Variants in TBX20 observed in about 807,000 individuals in gnomAD.
The protein encoded by TBX20 is T-box transcription factor TBX20.
In TBX20, 8 loss-of-function variants were observed where a neutral mutation model predicts 42.9. The observed-to-expected ratio is 0.19, with a 90% CI of 0.11 to 0.34. TBX20 has a LOEUF of 0.34. Ranked by LOEUF, TBX20 falls within the 10% of genes least tolerant of loss-of-function variation. TBX20 has a pLI of 1.00. For synonymous variants in TBX20, 198 were observed against 222.8 expected, an observed-to-expected ratio of 0.89 and a Z score of 0.99; for missense variants, 411 against 566.0, an observed-to-expected ratio of 0.73 and a Z score of 2.78.
At position 35,206,263 on chromosome 7, in the gene TBX20, C is replaced by T. The variant is rs556597486; in HGVS notation, c.891-1681G>A. ...GGCACACATTTAAAGTGTATGGGGC[C>T]GGAGCCGGGGCCGGTGGCTCACACC... On this transcript the variant is annotated intron_variant, in intron 6 of 7. Transcript: ENST00000408931. 5.3e-5 allele frequency among the ~76,000 whole-genome samples: 8 copies of T among 152,254 alleles called. No homozygotes were observed. The South Asian group carries it at 8.3e-4, about 16-fold the overall frequency.
intron 1 of TBX20, among the ~76,000 whole-genome samples, chr7:35,252,887 GA>G (rs1790332554): frequency 6.6e-6 from 1 of 152,154 alleles, no homozygotes; most frequent in Non-Finnish European, 1.5e-5. Flanking sequence ...AAAAGTAGAG[GA>G]ATTTGAGAAA....
intron 6 of TBX20, among the ~76,000 whole-genome samples, chr7:35,217,732 T>C (rs1462238222): frequency 2.6e-5 from 4 of 152,228 alleles, no homozygotes; most frequent in Non-Finnish European, 5.9e-5. Context: ...GCAGACTTTT[T>C]TTTTTGAGAT....
chr7:35,233,504 G>A (rs4723399), intron 5 of TBX20, among the ~76,000 whole-genome samples: 1 of 152,010 alleles, frequency 6.6e-6, no homozygotes, highest in Non-Finnish European at 1.5e-5. Context: ...AGAGATACAG[G>A]AAAGAGTTTA....
At chr7:35,215,186 GA>G (rs1252604193) in intron 6 of TBX20, among the ~76,000 whole-genome samples, 1 of 152,150 alleles carries the variant, frequency 6.6e-6, no homozygotes, top group African/African-American at 2.4e-5. Context: ...TAGTCTCTAG[GA>G]GGGGAAAAGA....
chr7:35,226,420 A>C (rs1224771279), intron 6 of TBX20, among the ~76,000 whole-genome samples: 1 of 151,818 alleles, frequency 6.6e-6, no homozygotes, highest in East Asian at 1.9e-4. Flanking sequence ...AAAAAAAAAA[A>C]ACCTAAGGAC....
At chr7:35,209,339 T>A (rs1789455572) in intron 6 of TBX20, among the ~76,000 whole-genome samples, 1 of 152,212 alleles carries the variant, frequency 6.6e-6, no homozygotes, top group South Asian at 2.1e-4. Context: ...AAAAGTTTTT[T>A]AACTACAAAT....
intron 3 of TBX20, 22 bp from the exon 4 acceptor site, chr7:35,245,079 T>A (rs1790155302): frequency 1.3e-6 from 2 of 1,530,144 alleles, no homozygotes; most frequent in Non-Finnish European, 9.0e-7. Context: ...AGGAGAAAAC[T>A]TTATTGAGAC....
intron 6 of TBX20, among the ~76,000 whole-genome samples, chr7:35,213,352 A>G (rs1431961331): frequency 1.3e-5 from 2 of 152,214 alleles, no homozygotes; most frequent in African/African-American, 2.4e-5. Context: ...GACAGGCTTC[A>G]GTAATTGTTA....
chr7:35,229,089 G>C (rs895635687), intron 6 of TBX20, among the ~76,000 whole-genome samples: 1 of 152,132 alleles, frequency 6.6e-6, no homozygotes, highest in Non-Finnish European at 1.5e-5. Context: ...AGGCATTTTT[G>C]TTTGGGTGTC....
intron 6 of TBX20, among the ~76,000 whole-genome samples, chr7:35,227,692 C>T (rs1789798543): frequency 6.6e-6 from 1 of 152,132 alleles, no homozygotes; most frequent in Admixed American, 6.5e-5. Context: ...TCTCAGAATG[C>T]AGCCCTTCTG....
At chr7:35,235,425 C>T (rs1039538882) in intron 5 of TBX20, among the ~76,000 whole-genome samples, 1 of 151,926 alleles carries the variant, frequency 6.6e-6, no homozygotes, top group African/African-American at 2.4e-5. Flanking sequence ...GAACAAATCA[C>T]GTTTATCAAA....
chr7:35,238,094 C>T (rs1209315882), intron 5 of TBX20, among the ~76,000 whole-genome samples: 4 of 152,148 alleles, frequency 2.6e-5, no homozygotes, highest in Non-Finnish European at 4.4e-5. Context: ...GCCTCAATTA[C>T]CCCAACTGTA....
chr7:35,225,630 G>C (rs1015590226), intron 6 of TBX20, among the ~76,000 whole-genome samples: 5 of 152,220 alleles, frequency 3.3e-5, no homozygotes, highest in African/African-American at 1.2e-4. Flanking sequence ...ATTTCAGAAA[G>C]AGGACAAACA....
intron 3 of TBX20, among the ~76,000 whole-genome samples, chr7:35,248,172 C>A (rs891394033): frequency 1.3e-5 from 2 of 151,980 alleles, no homozygotes; most frequent in Admixed American, 6.6e-5. Context: ...ATCTCTGAAC[C>A]TTTATTGGTC....
rs757208130 is a variant in TBX20, at chr7:35,202,676, A to G, written c.1098T>C (p.Thr366=). The part of the protein sequence containing the change: ...FPGFQHPQSL[T]ALGTSTASIA... ...TGGATGCTGTGCTGGTGCCAAGAGC[A>G]GTCAGGGACTGTGGGTGCTGAAACC... Residue 366 remains threonine, a synonymous_variant, in exon 8 of 8, where the codon ACT becomes ACC. Coordinates refer to ENST00000408931, the MANE Select transcript of TBX20 (RefSeq NM_001077653.2). 109 of 1,612,464 alleles carry G rather than the reference A, an allele frequency of 6.8e-5. No individual in the cohort carries two copies. In the Middle Eastern group the frequency reaches 1.2e-3, roughly 17 times the overall value.
intron 6 of TBX20, among the ~76,000 whole-genome samples, chr7:35,213,441 T>C (rs1315215713): frequency 1.3e-5 from 2 of 152,204 alleles, no homozygotes; most frequent in Non-Finnish European, 2.9e-5. Flanking sequence ...CTTTTCACCA[T>C]ATACTCCTGT....
intron 5 of TBX20, 133 bp downstream of exon 5, chr7:35,240,746 C>T: frequency 3.7e-6 from 3 of 801,798 alleles, no homozygotes; most frequent in Non-Finnish European, 4.2e-6. Flanking sequence ...AGTTCCTAGC[C>T]CTGAAACTCA....
chr7:35,212,640 T>C (rs1282042105), intron 6 of TBX20, among the ~76,000 whole-genome samples: 2 of 152,208 alleles, frequency 1.3e-5, no homozygotes, highest in Admixed American at 6.5e-5. Context: ...ACTATTTAGT[T>C]GAGGGCTAAT....
Position 35,236,140 on chromosome 7 carries a change from T to C in TBX20, c.814-4560A>G, listed in dbSNP as rs546715537. 6.1e-4 allele frequency among the ~76,000 whole-genome samples: 93 copies of C among 152,324 alleles called. 1 individual carries two copies. The highest frequency in any genetic ancestry group is 2.2e-3 in the African/African-American group (91 of 41,584). On this transcript the variant is annotated intron_variant, in intron 5 of 7. Transcript: ENST00000408931. ...TAGCAAATAAAAGGTCCTACTTTCA[T>C]TACTTACAAATGAAACTACAAGGCA... is the stretch of plus-strand genomic sequence containing the variant.
Sources: gnomAD v4.1 joint callset for allele counts (sites outside exome capture counted in the v4.1 genomes callset) on GRCh38, gnomAD v4.1.1 for gene constraint, MANE v1.5 for transcripts, NCBI Gene and HGNC (gene_info 2026-07-23, HGNC 2026-07-21) for gene names.